PTPRD: variants seen among roughly 807,000 people sequenced by gnomAD.
The protein encoded by PTPRD is protein tyrosine phosphatase receptor type D, also known as receptor-type tyrosine-protein phosphatase delta.
A neutral mutation model predicts 214.5 loss-of-function variants in PTPRD; 34 were observed. That is an observed-to-expected ratio of 0.16 (90% CI 0.12 to 0.21). PTPRD has a LOEUF of 0.21. PTPRD is among the 10% of genes least tolerant of loss of function. The pLI, the probability that PTPRD is intolerant of heterozygous loss-of-function variation, is 1.00. For synonymous variants in PTPRD, 1,128 were observed against 845.7 expected, an observed-to-expected ratio of 1.33 and a Z score of -5.79; for missense variants, 2,545 against 2,398.7, an observed-to-expected ratio of 1.06 and a Z score of -1.27.
chr9:9,630,934 A>T, intron 7 of PTPRD, among the ~76,000 whole-genome samples: 1 of 152,256 alleles, frequency 6.6e-6, no homozygotes, highest in Non-Finnish European at 1.5e-5. Flanking sequence ...ATTAGAAAAC[A>T]AAAAGGATAA....
At chr9:9,060,818 T>C (rs1223982073) in intron 10 of PTPRD, among the ~76,000 whole-genome samples, 1 of 152,204 alleles carries the variant, frequency 6.6e-6, no homozygotes, top group Non-Finnish European at 1.5e-5. Flanking sequence ...TCACATGTGT[T>C]AGTATGTGGC....
rs570276206 is a variant in PTPRD at position 9,080,402 on chromosome 9, T to C, written c.-142-61667A>G. Among the ~76,000 whole-genome samples the C allele has an allele frequency of 1.2e-4, 18 of 152,250 alleles. No homozygotes were observed. The South Asian group carries it at 3.5e-3, about 30-fold the overall frequency. On this transcript the variant is annotated intron_variant, in intron 10 of 45. Transcript: ENST00000381196. ...CTGTATGTGAATACTGATTTTATAA[T>C]AAAAGTCGCTTGCTACTACTATGTG...
chr9:8,997,570 C>G (rs568177661), intron 11 of PTPRD, among the ~76,000 whole-genome samples: 1 of 152,162 alleles, frequency 6.6e-6, no homozygotes. Context: ...TCCCATCTCT[C>G]TGCCTCTTCT....
intron 27 of PTPRD, among the ~76,000 whole-genome samples, chr9:8,488,453 G>GTA (rs1426667405): frequency 3.3e-5 from 5 of 152,040 alleles, no homozygotes; most frequent in African/African-American, 1.2e-4. Flanking sequence ...GTGTTGTGTT[G>GTA]TATATATAAA....
At chr9:8,413,037 G>A (rs1179582669) in intron 35 of PTPRD, among the ~76,000 whole-genome samples, 2 of 152,142 alleles carry the variant, frequency 1.3e-5, no homozygotes, top group African/African-American at 4.8e-5. Flanking sequence ...AAGGAAAATT[G>A]TTAAGATAAA....
In PTPRD at chr9:8,518,415, G is replaced by C. The variant is rs2138597654; in HGVS notation, c.976C>G (p.Pro326Ala). 6.2e-7 allele frequency: 1 copy of C among 1,605,236 alleles called. No individual in the cohort carries two copies. ...QITVKALPKP[P>A]GTPVVTESTA... ...CTCTCGGTCACTACAGGAGTTCCTG[G>C]AGGTTTGGGTAAGGCTTGGATGGGG... Residue 326 changes from proline (P) to alanine (A), a missense_variant, in exon 21 of 46, where the codon CCA becomes GCA. By Grantham distance (27) the Pro-to-Ala change is conservative (BLOSUM62 -1). Transcript: ENST00000381196.
At chr9:10,233,063 T>C (rs2099617132) in intron 3 of PTPRD, among the ~76,000 whole-genome samples, 2 of 152,050 alleles carry the variant, frequency 1.3e-5, no homozygotes, top group Non-Finnish European at 2.9e-5. Flanking sequence ...TCCTTGACTG[T>C]ATTTAGTGAA....
At chr9:9,842,779 C>T (rs557027054) in intron 5 of PTPRD, among the ~76,000 whole-genome samples, 2 of 151,790 alleles carry the variant, frequency 1.3e-5, no homozygotes, top group African/African-American at 4.8e-5. Flanking sequence ...ACACAGTCCA[C>T]ATGATGTGGA....
intron 14 of PTPRD, among the ~76,000 whole-genome samples, chr9:8,600,728 G>C (rs373005309): frequency 4.6e-5 from 7 of 151,702 alleles, no homozygotes; most frequent in African/African-American, 1.7e-4. Context: ...ACTGACTAAA[G>C]AGCCCTTAGT....
At chr9:8,735,798 G>C (rs1275023773) in intron 11 of PTPRD, among the ~76,000 whole-genome samples, 1 of 151,582 alleles carries the variant, frequency 6.6e-6, no homozygotes, top group African/African-American at 2.4e-5. Flanking sequence ...TGTAATCCCA[G>C]CTACTCGGGA....
chr9:8,370,179 C>G (rs867458844), intron 39 of PTPRD, among the ~76,000 whole-genome samples: 1 of 150,922 alleles, frequency 6.6e-6, no homozygotes. Context: ...TACTATATGT[C>G]TCTATTCATG....
chr9:10,495,424 T>C, intron 2 of PTPRD, among the ~76,000 whole-genome samples: 1 of 151,834 alleles, frequency 6.6e-6, no homozygotes, highest in East Asian at 1.9e-4. Context: ...TGTCAGCTGA[T>C]GGTGATAGTA....
At chr9:9,477,738 G>A (rs576339410) in intron 8 of PTPRD, among the ~76,000 whole-genome samples, 1 of 152,142 alleles carries the variant, frequency 6.6e-6, no homozygotes, top group East Asian at 1.9e-4. Flanking sequence ...TACATTATAT[G>A]GTGCAAGAAT....
At chr9:8,736,135 T>C (rs981029202) in intron 11 of PTPRD, among the ~76,000 whole-genome samples, 1 of 152,036 alleles carries the variant, frequency 6.6e-6, no homozygotes, top group Non-Finnish European at 1.5e-5. Context: ...GAGTTTCAGG[T>C]GAGAAGTGAC....
At chr9:9,230,760 C>T (rs1445467333) in intron 9 of PTPRD, among the ~76,000 whole-genome samples, 1 of 151,994 alleles carries the variant, frequency 6.6e-6, no homozygotes, top group Non-Finnish European at 1.5e-5. Flanking sequence ...CTAAGAGATG[C>T]TATAATCAAT....
chr9:9,257,365 C>A (rs1217015404), intron 9 of PTPRD, among the ~76,000 whole-genome samples: 1 of 151,866 alleles, frequency 6.6e-6, no homozygotes, highest in African/African-American at 2.4e-5. Flanking sequence ...ATATGAGACA[C>A]AATTTGAGGA....
chr9:9,715,707 A>G (rs1030962560), intron 7 of PTPRD, among the ~76,000 whole-genome samples: 2 of 152,186 alleles, frequency 1.3e-5, no homozygotes, highest in Non-Finnish European at 2.9e-5. Context: ...CCTAACAATG[A>G]GCTCTTTCAC....
chr9:10,490,752 C>A (rs833408), intron 2 of PTPRD, among the ~76,000 whole-genome samples: 1 of 152,056 alleles, frequency 6.6e-6, no homozygotes, highest in South Asian at 2.1e-4. Context: ...CCATAACATT[C>A]CCTTATACAT....
chr9:9,765,812 C>T (rs1408082371), intron 6 of PTPRD, among the ~76,000 whole-genome samples: 1 of 151,782 alleles, frequency 6.6e-6, no homozygotes, highest in Non-Finnish European at 1.5e-5. Context: ...AGGCACCCAC[C>T]ACCACCCCTG....
Sources: allele counts gnomAD v4.1 joint callset (sites outside exome capture counted in the v4.1 genomes callset), GRCh38; gene constraint gnomAD v4.1.1; transcripts MANE v1.5; gene names NCBI Gene and HGNC (gene_info 2026-07-23, HGNC 2026-07-21).